CTNNA3: variants seen among roughly 807,000 people sequenced by gnomAD.
CTNNA3 encodes catenin alpha-3.
CTNNA3 carries 76 observed loss-of-function variants against 95.7 expected under a neutral mutation model. The observed-to-expected ratio is 0.79, with a 90% CI of 0.66 to 0.96. The LOEUF is 0.96. Ranked by LOEUF, CTNNA3 falls within the 40% of genes least tolerant of loss-of-function variation. The probability of loss-of-function intolerance (pLI) is 0.00; values close to 1 mark genes in which losing one functional copy is unlikely to be tolerated. For missense variants in CTNNA3, 1,191 were observed against 1,089.8 expected, an observed-to-expected ratio of 1.09 and a Z score of -1.31; for synonymous variants, 431 against 374.4, an observed-to-expected ratio of 1.15 and a Z score of -1.74.
At chr10:67,534,193 T>C (rs1297616820) in intron 4 of CTNNA3, among the ~76,000 whole-genome samples, 4 of 152,014 alleles carry the variant, frequency 2.6e-5, no homozygotes, top group Admixed American at 6.6e-5. Context: ...AAAAAGTGTG[T>C]TCCCAGGAGA....
intron 13 of CTNNA3, among the ~76,000 whole-genome samples, chr10:66,157,105 T>C (rs1387999712): frequency 2.0e-5 from 3 of 151,990 alleles, no homozygotes; most frequent in Non-Finnish European, 2.9e-5. Context: ...CAGTAAGTTC[T>C]TTAGTGGTGA....
intron 13 of CTNNA3, among the ~76,000 whole-genome samples, chr10:66,162,832 G>A (rs1357826012): frequency 6.6e-6 from 1 of 151,720 alleles, no homozygotes; most frequent in Non-Finnish European, 1.5e-5. Flanking sequence ...CCATCAGGTG[G>A]GGGCAGGGCT....
At chr10:67,143,469 G>GT (rs1161268366) in intron 7 of CTNNA3, among the ~76,000 whole-genome samples, 2 of 130,680 alleles carry the variant, frequency 1.5e-5, no homozygotes, top group African/African-American at 5.4e-5. Context: ...ATGTGAGGCT[G>GT]TTTGACAGTG....
At chr10:66,781,922 A>C (rs901435797) in intron 7 of CTNNA3, among the ~76,000 whole-genome samples, 1 of 152,120 alleles carries the variant, frequency 6.6e-6, no homozygotes, top group Non-Finnish European at 1.5e-5. Flanking sequence ...CACACAGTAA[A>C]TTGTGTGTCA....
chr10:66,091,450 CTGTT>C (rs1057500569), intron 14 of CTNNA3, among the ~76,000 whole-genome samples: 2 of 151,852 alleles, frequency 1.3e-5, no homozygotes, highest in Admixed American at 1.3e-4. Flanking sequence ...ATGGTTAACA[CTGTT>C]TATTTATTGA....
intron 1 of CTNNA3, among the ~76,000 whole-genome samples, chr10:67,684,365 G>A (rs1213511626): frequency 6.6e-6 from 1 of 152,172 alleles, no homozygotes; most frequent in Admixed American, 6.5e-5. Flanking sequence ...ACAGAGCACT[G>A]ATTTGTGCGT....
intron 11 of CTNNA3, among the ~76,000 whole-genome samples, chr10:66,432,479 A>C (rs1282986839): frequency 6.6e-6 from 1 of 152,120 alleles, no homozygotes; most frequent in Non-Finnish European, 1.5e-5. Context: ...TAACACAGTG[A>C]AACCCCATCT....
chr10:66,475,343 T>A (rs556769143), intron 11 of CTNNA3, among the ~76,000 whole-genome samples: 6 of 152,028 alleles, frequency 3.9e-5, no homozygotes, highest in Non-Finnish European at 8.8e-5. Context: ...AAATGCTTTA[T>A]GATATTGGGG....
intron 1 of CTNNA3, among the ~76,000 whole-genome samples, chr10:67,730,537 G>A (rs184137187): frequency 1.3e-5 from 2 of 152,268 alleles, no homozygotes; most frequent in African/African-American, 4.8e-5. Flanking sequence ...AGGAAGACAT[G>A]ATCCAAGAAA....
At chr10:67,409,120 CT>C (rs1209258164) in intron 5 of CTNNA3, among the ~76,000 whole-genome samples, 1 of 152,102 alleles carries the variant, frequency 6.6e-6, no homozygotes, top group Non-Finnish European at 1.5e-5. Context: ...AATAGGAACA[CT>C]TTTACACTGT....
chr10:67,196,196 T>C lies in CTNNA3; in HGVS notation c.844-15676A>G, dbSNP rs537350854. Among the ~76,000 whole-genome samples the C allele has an allele frequency of 1.8e-3, 272 of 152,198 alleles. 1 individual carries two copies. The highest frequency in any genetic ancestry group is 3.4e-3 in the Middle Eastern group (1 of 292). Reference sequence around the variant, plus strand: ...TTGTCTAGTATATTTCCTGTTTTAATGCATTTCTACTTAATCTAAAGAATA... The same window carrying C: ...TTGTCTAGTATATTTCCTGTTTTAACGCATTTCTACTTAATCTAAAGAATA... On this transcript the variant is annotated intron_variant, in intron 6 of 17. Transcript: ENST00000433211.
At chr10:66,529,439 G>GTTTTT (rs201667838) in intron 10 of CTNNA3, among the ~76,000 whole-genome samples, 15 of 50,604 alleles carry the variant, frequency 3.0e-4, no homozygotes, top group African/African-American at 5.0e-4. Flanking sequence ...GCCAAACAGT[G>GTTTTT]TTTTTTTTTT....
chr10:66,321,838 T>C (rs1589083466), intron 12 of CTNNA3, among the ~76,000 whole-genome samples: 1 of 152,130 alleles, frequency 6.6e-6, no homozygotes, highest in South Asian at 2.1e-4. Flanking sequence ...AATGTGCGTA[T>C]GCTATATGAG....
intron 15 of CTNNA3, among the ~76,000 whole-genome samples, chr10:66,049,592 A>G (rs1279431495): frequency 1.3e-5 from 2 of 152,186 alleles, no homozygotes; most frequent in Non-Finnish European, 2.9e-5. Context: ...TACATACATA[A>G]TACGTCATAC....
At chr10:67,105,207 G>A (rs1171062429) in intron 7 of CTNNA3, among the ~76,000 whole-genome samples, 1 of 139,866 alleles carries the variant, frequency 7.1e-6, no homozygotes, top group African/African-American at 2.7e-5. Context: ...AGAGAAATGT[G>A]GTATTTGTGA....
At chr10:66,667,459 A>C (rs930334884) in intron 9 of CTNNA3, among the ~76,000 whole-genome samples, 12 of 152,190 alleles carry the variant, frequency 7.9e-5, no homozygotes, top group African/African-American at 2.4e-4. Flanking sequence ...TTAAAGTATC[A>C]GCAGTATGTT....
At chr10:66,600,205 G>T (rs573265157) in intron 10 of CTNNA3, among the ~76,000 whole-genome samples, 94 of 151,770 alleles carry the variant, frequency 6.2e-4, no homozygotes, top group Middle Eastern at 3.4e-3. Context: ...TCAGAAAAAT[G>T]GTTTTTCATG....
chr10:65,946,698 T>C (rs1405028837), intron 17 of CTNNA3, among the ~76,000 whole-genome samples: 1 of 152,164 alleles, frequency 6.6e-6, no homozygotes, highest in Non-Finnish European at 1.5e-5. Flanking sequence ...GAAAGTACTT[T>C]ATTTCCTGCA....
At chr10:66,113,148 T>C (rs1589437348) in intron 13 of CTNNA3, among the ~76,000 whole-genome samples, 1 of 152,206 alleles carries the variant, frequency 6.6e-6, no homozygotes, top group Non-Finnish European at 1.5e-5. Flanking sequence ...TCTGTGGCTG[T>C]TGATAATAGG....
Sources: gnomAD v4.1 joint callset for allele counts (sites outside exome capture counted in the v4.1 genomes callset) on GRCh38, gnomAD v4.1.1 for gene constraint, MANE v1.5 for transcripts, NCBI Gene and HGNC (gene_info 2026-07-23, HGNC 2026-07-21) for gene names.